Variants in PTPRD observed in about 807,000 individuals in gnomAD.
PTPRD encodes protein tyrosine phosphatase receptor type D.
A neutral mutation model predicts 214.5 loss-of-function variants in PTPRD; 34 were observed. The ratio of observed to expected loss-of-function variants is 0.16; its 90% confidence interval spans 0.12 to 0.21. The LOEUF (loss-of-function observed/expected upper bound fraction) is 0.21. PTPRD is among the 10% of genes least tolerant of loss of function. The pLI is 1.00. For synonymous variants in PTPRD, 1,128 were observed against 845.7 expected (o/e 1.33, Z -5.79); for missense variants, 2,545 against 2,398.7 (o/e 1.06, Z -1.27).
chr9:8,970,003 G>C (rs948029508), intron 11 of PTPRD, among the ~76,000 whole-genome samples: 1 of 151,864 alleles, frequency 6.6e-6, no homozygotes, highest in Admixed American at 6.6e-5. Context: ...ATCTCAAGTA[G>C]AAACCACTAG....
At chr9:8,929,887 GTGTATATATA>G (rs1567064680) in intron 11 of PTPRD, among the ~76,000 whole-genome samples, 33 of 102,204 alleles carry the variant, frequency 3.2e-4, no homozygotes, top group African/African-American at 5.8e-4. Flanking sequence ...ATATATGTGT[GTGTATATATA>G]TGTGTATATA....
chr9:8,463,069 T>C (rs577999028), intron 32 of PTPRD, among the ~76,000 whole-genome samples: 11 of 152,040 alleles, frequency 7.2e-5, no homozygotes, highest in Admixed American at 7.2e-4. Context: ...TACATATATT[T>C]AAATGTTTTA....
chr9:10,506,924 C>A (rs182292180), intron 2 of PTPRD, among the ~76,000 whole-genome samples: 1 of 151,870 alleles, frequency 6.6e-6, no homozygotes, highest in Non-Finnish European at 1.5e-5. Flanking sequence ...TATTGAATAC[C>A]CTTAATTTCT....
chr9:8,767,237 C>A (rs2094826399), intron 11 of PTPRD, among the ~76,000 whole-genome samples: 1 of 152,074 alleles, frequency 6.6e-6, no homozygotes. Flanking sequence ...CCTGCCTCAG[C>A]CTCCCGAGTA....
At chr9:10,256,649 A>G (rs1320968781) in intron 3 of PTPRD, among the ~76,000 whole-genome samples, 2 of 152,218 alleles carry the variant, frequency 1.3e-5, no homozygotes, top group African/African-American at 4.8e-5. Flanking sequence ...CTAATCAGTT[A>G]TCAGATAACT....
At chr9:8,464,619 A>G (rs953229494) in intron 32 of PTPRD, among the ~76,000 whole-genome samples, 10 of 151,862 alleles carry the variant, frequency 6.6e-5, no homozygotes, top group African/African-American at 2.4e-4. Flanking sequence ...ATATTTAGAC[A>G]CCGATTAGAA....
At chr9:8,713,219 C>G (rs2098382086) in intron 12 of PTPRD, 2 of 585,678 alleles carry the variant, frequency 3.4e-6, no homozygotes, top group Non-Finnish European at 6.1e-6. Flanking sequence ...AATTTGGTAT[C>G]CAGTTCGCTC....
chr9:10,498,350 T>C (rs2042714954), intron 2 of PTPRD, among the ~76,000 whole-genome samples: 1 of 152,040 alleles, frequency 6.6e-6, no homozygotes, highest in Admixed American at 6.6e-5. Context: ...TTATAATTGA[T>C]AAGCAATATG....
intron 3 of PTPRD, among the ~76,000 whole-genome samples, chr9:10,302,387 T>A (rs1430356806): frequency 6.6e-6 from 1 of 152,042 alleles, no homozygotes; most frequent in Admixed American, 6.6e-5. Flanking sequence ...GCTAGAATCA[T>A]AAAGACAGGA....
At chr9:10,152,686 G>T (rs927554965) in intron 3 of PTPRD, among the ~76,000 whole-genome samples, 1 of 152,126 alleles carries the variant, frequency 6.6e-6, no homozygotes, top group Non-Finnish European at 1.5e-5. Flanking sequence ...TTAGCTGGGC[G>T]TGGTGGCACA....
At chr9:10,277,991 T>A (rs145812802) in intron 3 of PTPRD, among the ~76,000 whole-genome samples, 27 of 152,056 alleles carry the variant, frequency 1.8e-4, no homozygotes, top group Middle Eastern at 3.4e-3. Context: ...AAACCCTGTC[T>A]CTACTAAAAA....
intron 12 of PTPRD, among the ~76,000 whole-genome samples, chr9:8,728,110 T>C (rs1359086494): frequency 3.3e-5 from 5 of 151,770 alleles, no homozygotes; most frequent in Admixed American, 3.3e-4. Context: ...ATTAGCCAGG[T>C]GTGGTGGCAC....
At chr9:8,641,826 T>C (rs2096583092) in intron 12 of PTPRD, among the ~76,000 whole-genome samples, 1 of 152,242 alleles carries the variant, frequency 6.6e-6, no homozygotes, top group Admixed American at 6.5e-5. Flanking sequence ...GCACAGTATC[T>C]TTGAACCTAA....
At chr9:10,253,718 C>T (rs1163388203) in intron 3 of PTPRD, among the ~76,000 whole-genome samples, 2 of 152,104 alleles carry the variant, frequency 1.3e-5, no homozygotes, top group African/African-American at 2.4e-5. Flanking sequence ...GAGAAGTTTA[C>T]TGCATTAAAT....
intron 7 of PTPRD, among the ~76,000 whole-genome samples, chr9:9,577,403 A>G (rs1415262832): frequency 1.3e-5 from 2 of 151,978 alleles, no homozygotes; most frequent in African/African-American, 4.8e-5. Flanking sequence ...ATCTCTACAA[A>G]AAAATACAAA....
At position 10,465,634 on chromosome 9, in the gene PTPRD, G is replaced by A. The variant is rs147760571; in HGVS notation, c.-599-124617C>T. Among the ~76,000 whole-genome samples the A allele has an allele frequency of 1.3e-3, 192 of 152,228 alleles. 1 individual carries two copies. Among genetic ancestry groups the A allele is most frequent in the African/African-American group, 4.0e-3 (166 of 41,534 alleles). ...CATCACCTTTTCTGTGTTTAGATAG[G>A]TTTATATACACAAATACCTACACTG... On this transcript the variant is annotated intron_variant, in intron 2 of 45. Transcript: ENST00000381196.
chr9:9,696,282 T>C (rs145150912), intron 7 of PTPRD, among the ~76,000 whole-genome samples: 139 of 152,300 alleles, frequency 9.1e-4, no homozygotes, highest in African/African-American at 2.9e-3. Flanking sequence ...TCTGCAGCAA[T>C]TGGATGAAAT....
chr9:8,757,068 G>A (rs1390587243), intron 11 of PTPRD, among the ~76,000 whole-genome samples: 1 of 152,174 alleles, frequency 6.6e-6, no homozygotes, highest in Non-Finnish European at 1.5e-5. Flanking sequence ...CTTGAACCTG[G>A]GAGGCAGAGG....
chr9:9,014,375 G>C (rs2099525503), intron 11 of PTPRD, among the ~76,000 whole-genome samples: 1 of 151,792 alleles, frequency 6.6e-6, no homozygotes, highest in Non-Finnish European at 1.5e-5. Flanking sequence ...TAATATTTTT[G>C]CTTTTAGTCA....
Sources: gnomAD v4.1 joint callset for allele counts (sites outside exome capture counted in the v4.1 genomes callset) on GRCh38, gnomAD v4.1.1 for gene constraint, MANE v1.5 for transcripts, NCBI Gene and HGNC (gene_info 2026-07-23, HGNC 2026-07-21) for gene names.